Variants in BCAR1 observed in about 807,000 individuals in gnomAD.
BCAR1 encodes the protein breast cancer anti-estrogen resistance protein 1.
BCAR1 carries 30 observed loss-of-function variants against 67.6 expected under a neutral mutation model. The ratio of observed to expected loss-of-function variants is 0.44; its 90% CI spans 0.33 to 0.60. BCAR1 has a LOEUF of 0.60. Among genes scored for constraint, BCAR1 ranks in the 20% least tolerant of loss-of-function variants. BCAR1 has a pLI of 0.02. For synonymous variants in BCAR1, 626 were observed against 556.7 expected, an observed-to-expected ratio of 1.12 and a Z score of -1.75; for missense variants, 1,313 against 1,222.3, an observed-to-expected ratio of 1.07 and a Z score of -1.11.
At chr16:75,267,993 C>A (rs1037037556) in exon 1 of BCAR1, 2 of 1,568,706 alleles carry the variant, frequency 1.3e-6, no homozygotes, top group East Asian at 4.6e-5. Flanking sequence ...CCTCTCCTGA[C>A]ACTACCAGGT....
intron 2 of BCAR1, among the ~76,000 whole-genome samples, chr16:75,241,611 G>A (rs1358433160): frequency 4.6e-5 from 7 of 152,226 alleles, no homozygotes; most frequent in Non-Finnish European, 1.0e-4. Context: ...TCCCCTGGTG[G>A]CCAGGCTTGG....
intron 1 of BCAR1, among the ~76,000 whole-genome samples, chr16:75,251,168 G>A (rs1323487647): frequency 6.6e-6 from 1 of 152,056 alleles, no homozygotes; most frequent in Non-Finnish European, 1.5e-5. Flanking sequence ...GACACAGCAG[G>A]CGGCCGTCGG....
intron 6 of BCAR1, among the ~76,000 whole-genome samples, chr16:75,231,581 C>T (rs2076902467): frequency 6.6e-6 from 1 of 152,198 alleles, no homozygotes; most frequent in Admixed American, 6.5e-5. Flanking sequence ...ACTTTATGTC[C>T]TTGGCCTTGG....
chr16:75,234,153 G>T (rs1231828432), intron 5 of BCAR1, among the ~76,000 whole-genome samples: 2 of 72,898 alleles, frequency 2.7e-5, no homozygotes, highest in East Asian at 1.5e-3. Flanking sequence ...ACGTGCAGGG[G>T]CAGGCAGACA....
At chr16:75,247,607 G>C (rs2077559003) in intron 1 of BCAR1, 1 of 171,998 alleles carries the variant, frequency 5.8e-6, no homozygotes, top group Non-Finnish European at 1.2e-5. Flanking sequence ...TCTGGGTCAG[G>C]CGGAAGCTGG....
rs373766636 is a variant in BCAR1 at position 75,236,047 on chromosome 16, G to A, written c.913-61C>T. The stretch of plus-strand genomic sequence containing the variant: ...TCCATCTGCCCACCCCAGGGACTGG[G>A]GGCAGCACCCAGCCACACACACACA... On this transcript the variant is annotated intron_variant, in intron 4 of 6. Transcript: ENST00000162330. 17 of 1,510,600 alleles carry A rather than the reference G, an allele frequency of 1.1e-5. No homozygotes were observed. In the African/African-American group the frequency reaches 2.2e-4, roughly 20 times the overall value. 93.6% of individuals were successfully genotyped at this position (1,510,600 alleles called of 1,614,324 possible).
chr16:75,259,836 A>C, intron 1 of BCAR1, among the ~76,000 whole-genome samples: 1 of 146,924 alleles, frequency 6.8e-6, no homozygotes, highest in East Asian at 2.0e-4. Context: ...TGGGTGACAG[A>C]ATGAGACTCC....
intron 6 of BCAR1, among the ~76,000 whole-genome samples, chr16:75,232,679 G>GC (rs1284236254): frequency 8.5e-5 from 13 of 152,134 alleles, no homozygotes; most frequent in Admixed American, 8.5e-4. Context: ...TAATTTCTCA[G>GC]CCCCCACCCC....
At chr16:75,230,405 C>A (rs1002582184) in intron 6 of BCAR1, among the ~76,000 whole-genome samples, 1 of 152,084 alleles carries the variant, frequency 6.6e-6, no homozygotes. Flanking sequence ...CCCCTCGACC[C>A]TATCTTTGCA....
upstream of BCAR1, chr16:75,252,130 C>G (rs1446452919): frequency 2.8e-6 from 4 of 1,450,420 alleles, no homozygotes; most frequent in Middle Eastern, 1.7e-4. Context: ...ACCACCACAG[C>G]TCCGACTGTA....
At chr16:75,251,646 A>ACGGCCCAGC (rs951299639), upstream of BCAR1, 51 of 1,000,418 alleles carry the variant, frequency 5.1e-5, no homozygotes, top group South Asian at 9.1e-5. Flanking sequence ...GCCTGCCGCC[A>ACGGCCCAGC]CGGCCCAGCC....
At chr16:75,262,591 C>T (rs892385584) in intron 1 of BCAR1, among the ~76,000 whole-genome samples, 10 of 152,170 alleles carry the variant, frequency 6.6e-5, no homozygotes, top group Admixed American at 1.3e-4. Context: ...TGGACACTGC[C>T]TCATCCCACT....
chr16:75,252,897 AG>A (rs11331251), upstream of BCAR1, among the ~76,000 whole-genome samples: 1,549 of 152,316 alleles, frequency 0.01, 12 homozygotes, highest in Non-Finnish European at 0.016. Flanking sequence ...TTTGCTGCTC[AG>A]GTGCTCTGGG....
rs2077152186 is a variant in BCAR1, at chr16:75,236,756, G to A, written c.912+126C>T. On this transcript the variant is annotated intron_variant, in intron 4 of 6. Transcript: ENST00000162330. ...CATCTGTCAACCATCCAGAACCAGG[G>A]TCTGGAGCCAGTCTCTTCCTGCCCG... 2.8e-6 allele frequency: 4 copies of A among 1,406,976 alleles called. No individual in the cohort carries two copies. In the African/African-American group the frequency reaches 5.8e-5, roughly 20 times the overall value. 87.2% of individuals were successfully genotyped at this position (1,406,976 alleles called of 1,614,324 possible).
intron 1 of BCAR1, chr16:75,250,821 G>A: frequency 1.0e-6 from 1 of 985,576 alleles, no homozygotes; most frequent in Non-Finnish European, 1.2e-6. Context: ...CGTGCGGCTA[G>A]GACTCCTGTG....
At chr16:75,263,245 TACCTGGCAGGGCTGGGGGTGGCCAGC>T in intron 1 of BCAR1, 1 of 985,196 alleles carries the variant, frequency 1.0e-6, no homozygotes. Flanking sequence ...GCTGGCCTCT[TACCTGGCAGGGCTGGGGGTGGCCAGC>T]ACCTGCCACC....
chr16:75,237,123 G>T, intron 3 of BCAR1, 60 bp downstream of exon 3: 1 of 1,500,560 alleles, frequency 6.7e-7, no homozygotes, highest in Non-Finnish European at 8.9e-7. Context: ...TCGGCCCAGG[G>T]CCAAGCAGAG....
intron 1 of BCAR1, chr16:75,247,704 AG>A (rs912480823): frequency 3.7e-6 from 1 of 268,790 alleles, no homozygotes; most frequent in African/African-American, 2.2e-5. Flanking sequence ...TCTCAGGAGC[AG>A]GGCCAGCCCA....
intron 1 of BCAR1, chr16:75,250,924 C>A: frequency 1.0e-6 from 1 of 985,478 alleles, no homozygotes; most frequent in Non-Finnish European, 1.2e-6. Flanking sequence ...CGGAACCCCG[C>A]GCCGGCGGCC....
Sources: allele counts gnomAD v4.1 joint callset (sites outside exome capture counted in the v4.1 genomes callset), GRCh38; gene constraint gnomAD v4.1.1; transcripts MANE v1.5; gene names NCBI Gene and HGNC (gene_info 2026-07-23, HGNC 2026-07-21).